The following FAM178B variants were observed in gnomAD, a reference collection of about 807,000 sequenced individuals.
The protein encoded by FAM178B is protein FAM178B.
Under a neutral mutation model 91.7 loss-of-function variants are expected in FAM178B, and 82 were observed. The observed-to-expected ratio is 0.89, with a 90% CI of 0.75 to 1.07. The LOEUF (loss-of-function observed/expected upper bound fraction) is 1.07. Among genes scored for constraint, FAM178B ranks in the 50% least tolerant of loss-of-function variants. The pLI is 0.00. For synonymous variants in FAM178B, 368 were observed against 359.4 expected (o/e 1.02, Z -0.27); for missense variants, 769 against 846.7 (o/e 0.91, Z 1.14).
At chr2:96,915,438 T>C (rs2081225701) in intron 12 of FAM178B, among the ~76,000 whole-genome samples, 1 of 151,506 alleles carries the variant, frequency 6.6e-6, no homozygotes, top group African/African-American at 2.4e-5. Flanking sequence ...TAAAAACTTA[T>C]TAAATAGAAG....
chr2:96,971,689 T>C (rs1225319587), intron 3 of FAM178B, among the ~76,000 whole-genome samples: 2 of 152,220 alleles, frequency 1.3e-5, no homozygotes, highest in Non-Finnish European at 2.9e-5. Flanking sequence ...CAGGAGTTAC[T>C]GGTGGAGACA....
rs1010081424 is a variant in FAM178B, at chr2:96,877,883, G to A, written c.2007+7C>T. On this transcript the variant is annotated splice_region_variant and intron_variant, in intron 16 of 16. Transcript: ENST00000490605. ...CTCCCAGGTCTGGGGGCTAGAGGGG[G>A]CACCACCTGGGGCTGGCAGTGGGTC... The A allele has an allele frequency of 1.2e-6, 2 of 1,612,028 alleles. No homozygotes were observed. The highest frequency in any genetic ancestry group is 1.3e-5 in the African/African-American group (1 of 75,060).
At chr2:96,932,123 C>T (rs914487148) in intron 8 of FAM178B, among the ~76,000 whole-genome samples, 20 of 152,178 alleles carry the variant, frequency 1.3e-4, no homozygotes, top group African/African-American at 4.3e-4. Context: ...TGGAACCTCC[C>T]GCCAGCAGCC....
chr2:96,894,978 T>C, intron 13 of FAM178B: 2 of 1,107,704 alleles, frequency 1.8e-6, no homozygotes, highest in Non-Finnish European at 2.4e-6. Flanking sequence ...CTTGCATCCC[T>C]CTCTTTTGGT....
chr2:96,953,445 T>C (rs2081956923), intron 6 of FAM178B, among the ~76,000 whole-genome samples: 1 of 152,152 alleles, frequency 6.6e-6, no homozygotes, highest in Non-Finnish European at 1.5e-5. Flanking sequence ...GCCAGTTTCT[T>C]AGTGGGAGAA....
chr2:96,986,257 C>T lies in FAM178B; in HGVS notation c.57G>A (p.Gln19=), dbSNP rs1218246812. The change falls in exon 1 of 17, where the codon CAG becomes CAA. Residue 19 remains glutamine (Q), a synonymous_variant. Transcript: ENST00000490605. ...TTTCCTTACCTGTAAAATGGAGCCGCTGATCCTGCCTCCTGAGTTGTGGAG... is the reference window on the plus strand; with the variant it reads ...TTTCCTTACCTGTAAAATGGAGCCGTTGATCCTGCCTCCTGAGTTGTGGAG... The part of the protein sequence containing the change: ...GLAPQLRRQD[Q]RLHFTGQMSH... The T allele has an allele frequency of 2.6e-6, 4 of 1,534,466 alleles. No homozygotes were observed. Among genetic ancestry groups the T allele is most frequent in the Non-Finnish European group, 3.5e-6 (4 of 1,146,802 alleles).
intron 5 of FAM178B, among the ~76,000 whole-genome samples, chr2:96,963,504 G>A (rs2082108311): frequency 6.6e-6 from 1 of 152,216 alleles, no homozygotes; most frequent in South Asian, 2.1e-4. Context: ...GAGTCCATGT[G>A]GGACGTCATG....
chr2:96,940,304 C>A (rs909812304), intron 8 of FAM178B, among the ~76,000 whole-genome samples: 1 of 152,186 alleles, frequency 6.6e-6, no homozygotes, highest in Non-Finnish European at 1.5e-5. Context: ...CTGCTGCCAC[C>A]GCCACAGGAG....
At chr2:96,886,990 G>A (rs963389871) in intron 14 of FAM178B, among the ~76,000 whole-genome samples, 18 of 152,258 alleles carry the variant, frequency 1.2e-4, no homozygotes, top group Middle Eastern at 6.8e-3. Flanking sequence ...AGAGGCGGGC[G>A]GATCACGAGG....
chr2:96,948,917 C>T (rs2081877339), intron 7 of FAM178B, among the ~76,000 whole-genome samples: 1 of 152,162 alleles, frequency 6.6e-6, no homozygotes. Flanking sequence ...AAATACTCTC[C>T]CTCCCTCACA....
intron 8 of FAM178B, among the ~76,000 whole-genome samples, chr2:96,936,215 T>G (rs542587104): frequency 6.6e-6 from 1 of 151,978 alleles, no homozygotes; most frequent in East Asian, 1.9e-4. Context: ...TATTTATTTA[T>G]TTTTGAGACG....
intron 4 of FAM178B, among the ~76,000 whole-genome samples, chr2:96,969,784 A>G (rs4263148): frequency 0.78 from 119,317 of 152,204 alleles, 48,262 homozygotes; most frequent in Non-Finnish European, 0.87. Context: ...GGGGCTGCAC[A>G]GCAGAGGCAG....
chr2:96,959,967 G>C (rs1027160873), intron 6 of FAM178B, among the ~76,000 whole-genome samples: 1 of 152,234 alleles, frequency 6.6e-6, no homozygotes, highest in African/African-American at 2.4e-5. Flanking sequence ...TGCTGATGGA[G>C]ACACAGCCCC....
At position 96,876,047 on chromosome 2, in the gene FAM178B, G is replaced by A. The variant is rs1043859128; in HGVS notation, c.*229C>T. On this transcript the variant is annotated 3_prime_UTR_variant, in exon 17 of 17. Coordinates refer to ENST00000490605, the MANE Select transcript of FAM178B (RefSeq NM_001122646.3). ...GGGAGGAGGGCTGAGGGGTGGGCGA[G>A]GCAGAGAGGCCCATCCCTTGCTGAG... The A allele has an allele frequency of 9.6e-5, 55 of 573,174 alleles. No homozygotes were observed. Among genetic ancestry groups the A allele is most frequent in the Non-Finnish European group, 1.3e-4 (41 of 320,168 alleles). The allele number at this position is 573,174 out of a possible 1,614,324, so 35.5% of individuals were successfully genotyped here. A position where few individuals can be genotyped will look rare whatever the true frequency, so the allele number is the denominator to read the frequency against.
rs543000369 is a variant in FAM178B at position 96,967,491 on chromosome 2, G to A, written c.734+29C>T. The A allele has an allele frequency of 9.0e-6, 13 of 1,439,910 alleles. No homozygotes were observed. In the South Asian group the frequency reaches 1.2e-4, roughly 13 times the overall value. 89.2% of individuals were successfully genotyped at this position (1,439,910 alleles called of 1,614,324 possible). ...TTGGCACCTCAGTCTTTCCCCTTCG[G>A]AGGCTGGTGCCAGGCCCCTGCCCCT... On this transcript the variant is annotated intron_variant, in intron 5 of 16. Transcript: ENST00000490605.
chr2:96,952,829 T>C (rs1360548462), intron 6 of FAM178B, among the ~76,000 whole-genome samples: 3 of 152,142 alleles, frequency 2.0e-5, no homozygotes, highest in African/African-American at 7.2e-5. Context: ...GTAAGTCACA[T>C]TTGTTCTTCT....
intron 12 of FAM178B, among the ~76,000 whole-genome samples, chr2:96,919,164 A>C (rs2081291481): frequency 6.6e-6 from 1 of 152,236 alleles, no homozygotes; most frequent in African/African-American, 2.4e-5. Context: ...AGTGGCACAC[A>C]CACTAGGGAA....
At chr2:96,888,061 A>G (rs1249317534) in intron 14 of FAM178B, among the ~76,000 whole-genome samples, 1 of 152,250 alleles carries the variant, frequency 6.6e-6, no homozygotes, top group Non-Finnish European at 1.5e-5. Flanking sequence ...AGCTGGCCTG[A>G]GCCTGGGCCC....
intron 8 of FAM178B, among the ~76,000 whole-genome samples, chr2:96,938,678 C>A (rs2081672644): frequency 6.6e-6 from 1 of 152,244 alleles, no homozygotes; most frequent in Non-Finnish European, 1.5e-5. Context: ...AGGAACCCAA[C>A]AGATAACTAA....
Sources: gnomAD v4.1 joint callset for allele counts (sites outside exome capture counted in the v4.1 genomes callset) on GRCh38, gnomAD v4.1.1 for gene constraint, MANE v1.5 for transcripts, NCBI Gene and HGNC (gene_info 2026-07-23, HGNC 2026-07-21) for gene names.